RAB33B: variants seen among roughly 807,000 people sequenced by gnomAD.
RAB33B encodes RAB33B, member RAS oncogene family.
In RAB33B, 6 loss-of-function variants were observed where a neutral mutation model predicts 15.0. The observed-to-expected ratio is 0.40, with a 90% CI of 0.22 to 0.79. The LOEUF (loss-of-function observed/expected upper bound fraction) is 0.79, where lower values mean the gene tolerates loss of function less well. Among genes scored for constraint, RAB33B ranks in the 30% least tolerant of loss-of-function variants. The pLI, the probability that RAB33B is intolerant of heterozygous loss-of-function variation, is 0.37. For missense variants in RAB33B, 257 were observed against 296.4 expected (o/e 0.87, Z 0.98); for synonymous variants, 117 against 108.3 (o/e 1.08, Z -0.50).
upstream of RAB33B, chr4:139,449,756 C>CATATATATATATATATATATATAT (rs10536077): frequency 1.1e-4 from 16 of 146,224 alleles, no homozygotes; most frequent in African/African-American, 4.0e-4. Flanking sequence ...TAATAAACTC[C>CATATATATATATATATATATATAT]ATATATATAT....
chr4:139,462,161 C>A (rs1182669328), intron 1 of RAB33B, among the ~76,000 whole-genome samples: 1 of 150,188 alleles, frequency 6.7e-6, no homozygotes, highest in African/African-American at 2.5e-5. Context: ...TCACGCCATT[C>A]TCCTGCCTCA....
rs1418720626 is a variant in RAB33B, at chr4:139,472,826, A to G, written c.390A>G (p.Glu130=). 2 of 1,614,104 alleles carry G rather than the reference A, an allele frequency of 1.2e-6. No homozygotes were observed. The highest frequency in any genetic ancestry group is 3.3e-5 in the Admixed American group (2 of 59,998). Residue 130 remains glutamate (E), a synonymous_variant, in exon 2 of 2, where the codon GAA becomes GAG. Transcript: ENST00000305626. ...ASFHSLPSWI[E]ECKQHLLAND... ...TTCATAGCCTACCATCTTGGATAGA[A>G]GAATGCAAACAACATTTGCTAGCCA...
intron 1 of RAB33B, 100 bp from the exon 2 acceptor site, chr4:139,472,586 A>T: frequency 2.3e-6 from 2 of 874,244 alleles, no homozygotes; most frequent in Non-Finnish European, 3.4e-6. Flanking sequence ...AAAATATTTT[A>T]AGTGAAGAGA....
At chr4:139,470,360 G>T (rs1750366211) in intron 1 of RAB33B, among the ~76,000 whole-genome samples, 2 of 152,226 alleles carry the variant, frequency 1.3e-5, no homozygotes, top group Non-Finnish European at 2.9e-5. Flanking sequence ...AGTACTGCCA[G>T]ACTACCACCA....
upstream of RAB33B, chr4:139,449,756 C>CATATATATATATATATAT (rs10536077): frequency 2.9e-4 from 43 of 146,284 alleles, no homozygotes; most frequent in African/African-American, 1.0e-3. Context: ...TAATAAACTC[C>CATATATATATATATATAT]ATATATATAT....
chr4:139,459,997 A>G (rs1356094918), intron 1 of RAB33B, among the ~76,000 whole-genome samples: 1 of 152,158 alleles, frequency 6.6e-6, no homozygotes, highest in East Asian at 1.9e-4. Context: ...AGGCAGAGAG[A>G]TCAGTTGGTA....
At chr4:139,453,990 C>A (rs936154758), upstream of RAB33B, 9 of 470,516 alleles carry the variant, frequency 1.9e-5, no homozygotes, top group East Asian at 3.9e-5. Flanking sequence ...CAGGCGGCTC[C>A]GTGCGGCGGG....
At chr4:139,454,007 G>A (rs1254693822), upstream of RAB33B, 2 of 529,488 alleles carry the variant, frequency 3.8e-6, no homozygotes, top group East Asian at 7.4e-5. Flanking sequence ...CGGGGCGGGC[G>A]GGTGCCACAC....
the RAB33B span, among the ~76,000 whole-genome samples, chr4:139,438,658 G>C: frequency 6.6e-6 from 1 of 152,054 alleles, no homozygotes; most frequent in African/African-American, 2.4e-5. Context: ...GCAATTCTCA[G>C]TCCTGGCAGG....
chr4:139,446,878 G>A, the RAB33B span, among the ~76,000 whole-genome samples: 2 of 152,194 alleles, frequency 1.3e-5, no homozygotes, highest in Admixed American at 6.5e-5. Flanking sequence ...CTGAGCCCTC[G>A]AAATGGCACC....
the RAB33B span, among the ~76,000 whole-genome samples, chr4:139,444,312 T>G: frequency 6.6e-6 from 1 of 152,116 alleles, no homozygotes; most frequent in African/African-American, 2.4e-5. Context: ...CTCTCTCAAT[T>G]TAATGTAGAG....
rs960358575 is a variant in RAB33B, at chr4:139,474,734, C to G, written c.*1608C>G. ...AAATACTTTTATTTTGAATTTAAGT[C>G]TTTGCACATAAAATATAGCAAGCTT... On this transcript the variant is annotated 3_prime_UTR_variant, in exon 2 of 2. Coordinates refer to ENST00000305626, the MANE Select transcript of RAB33B (RefSeq NM_031296.3). 4 of 152,556 alleles carry G rather than the reference C, an allele frequency of 2.6e-5. No individual in the cohort carries two copies. Among genetic ancestry groups the G allele is most frequent in the African/African-American group, 7.2e-5 (3 of 41,444 alleles). The allele number at this position is 152,556 out of a possible 1,614,324, so 9.5% of individuals were successfully genotyped here. A position where few individuals can be genotyped will look rare whatever the true frequency, so the allele number is the denominator to read the frequency against.
chr4:139,465,326 T>C (rs1159529912), intron 1 of RAB33B, among the ~76,000 whole-genome samples: 2 of 152,162 alleles, frequency 1.3e-5, no homozygotes, highest in African/African-American at 2.4e-5. Context: ...AAATTTTCTC[T>C]CATTCTGTAG....
At position 139,474,248 on chromosome 4, in the gene RAB33B, C is replaced by G. The variant is rs1206160629; in HGVS notation, c.*1122C>G. 1 of 152,018 alleles carries G rather than the reference C, an allele frequency of 6.6e-6. No homozygotes were observed. Among genetic ancestry groups the G allele is most frequent in the Non-Finnish European group, 1.5e-5 (1 of 67,994 alleles). 9.4% of individuals were successfully genotyped at this position (152,018 alleles called of 1,614,324 possible). On this transcript the variant is annotated 3_prime_UTR_variant, in exon 2 of 2. Transcript: ENST00000305626. ...CCTATTAAAATATGCAAAAATAAGT[C>G]AGATTTTAAGGCAAATAAAGTGACA...
the RAB33B span, among the ~76,000 whole-genome samples, chr4:139,446,630 G>C: frequency 6.6e-6 from 1 of 152,220 alleles, no homozygotes; most frequent in African/African-American, 2.4e-5. Flanking sequence ...CTCACCAATG[G>C]GTGATCTCAG....
At chr4:139,462,179 G>T (rs1399450347) in intron 1 of RAB33B, among the ~76,000 whole-genome samples, 1 of 150,764 alleles carries the variant, frequency 6.6e-6, no homozygotes, top group Non-Finnish European at 1.5e-5. Context: ...TCAGCCTGCC[G>T]AGTAGCTGGG....
chr4:139,453,468 C>A (rs1161032879), upstream of RAB33B: 1 of 152,414 alleles, frequency 6.6e-6, no homozygotes, highest in Non-Finnish European at 1.5e-5. Context: ...CAAGTGCGCC[C>A]CGCACAGGGC....
chr4:139,442,419 T>G, the RAB33B span, among the ~76,000 whole-genome samples: 1 of 152,142 alleles, frequency 6.6e-6, no homozygotes, highest in Non-Finnish European at 1.5e-5. Context: ...AGTGTCAACT[T>G]GATTGTATTG....
At chr4:139,466,002 CTGGTAGAGACAAGGTCTCTTT>C (rs890260822) in intron 1 of RAB33B, among the ~76,000 whole-genome samples, 55 of 152,088 alleles carry the variant, frequency 3.6e-4, no homozygotes, top group African/African-American at 1.2e-3. Context: ...GTTGCCCAAG[CTGGTAGAGACAAGGTCTCTTT>C]TGGTAGAGAC....
Sources: gnomAD v4.1 joint callset for allele counts (sites outside exome capture counted in the v4.1 genomes callset) on GRCh38, gnomAD v4.1.1 for gene constraint, MANE v1.5 for transcripts, NCBI Gene and HGNC (gene_info 2026-07-23, HGNC 2026-07-21) for gene names.